DPP10: variants seen among roughly 807,000 people sequenced by gnomAD.
DPP10 encodes the protein dipeptidyl peptidase like 10, also known as inactive dipeptidyl peptidase 10.
A neutral mutation model predicts 120.9 loss-of-function variants in DPP10; 33 were observed. The ratio of observed to expected loss-of-function variants is 0.27; its 90% confidence interval spans 0.21 to 0.37. The LOEUF (loss-of-function observed/expected upper bound fraction) is 0.37, where lower values mean the gene tolerates loss of function less well. DPP10 is among the 10% of genes least tolerant of loss of function. The pLI, the probability that DPP10 is intolerant of heterozygous loss-of-function variation, is 1.00. For synonymous variants in DPP10, 337 were observed against 326.1 expected, an observed-to-expected ratio of 1.03 and a Z score of -0.36; for missense variants, 816 against 942.8, an observed-to-expected ratio of 0.87 and a Z score of 1.76.
intron 1 of DPP10, among the ~76,000 whole-genome samples, chr2:114,777,764 G>C (rs974478841): frequency 4.6e-5 from 7 of 152,024 alleles, no homozygotes; most frequent in Non-Finnish European, 1.0e-4. Context: ...GTTATGTCCT[G>C]GCTATATGGT....
At chr2:114,907,456 C>T (rs1170023184) in intron 1 of DPP10, among the ~76,000 whole-genome samples, 1 of 151,952 alleles carries the variant, frequency 6.6e-6, no homozygotes, top group Non-Finnish European at 1.5e-5. Context: ...TATCTTAAAG[C>T]GCTGCTTTTG....
At chr2:115,638,143 GC>G in intron 5 of DPP10, among the ~76,000 whole-genome samples, 3 of 152,182 alleles carry the variant, frequency 2.0e-5, no homozygotes, top group Non-Finnish European at 4.4e-5. Context: ...AATGGGTACT[GC>G]CTTCTGATTC....
intron 1 of DPP10, among the ~76,000 whole-genome samples, chr2:114,874,343 A>T (rs1027795850): frequency 2.6e-5 from 4 of 152,144 alleles, no homozygotes; most frequent in African/African-American, 4.8e-5. Context: ...GACAACTTCA[A>T]ATCCTAATCA....
In DPP10 at chr2:115,125,825, G is replaced by A. The variant is rs556694443; in HGVS notation, c.61-183414G>A. Among the ~76,000 whole-genome samples the A allele has an allele frequency of 4.0e-5, 6 of 151,804 alleles. No homozygotes were observed. In the East Asian group the frequency reaches 9.7e-4, roughly 25 times the overall value. On this transcript the variant is annotated intron_variant, in intron 1 of 25. Transcript: ENST00000410059. Reference sequence around the variant, plus strand: ...TCTTGATCTCTTGACCTCTTGATTCGCCCTCCTTGGCCTCCCAAAGTGCTG... The same window carrying A: ...TCTTGATCTCTTGACCTCTTGATTCACCCTCCTTGGCCTCCCAAAGTGCTG...
At position 114,785,816 on chromosome 2, in the gene DPP10, C is replaced by T. The variant is rs542742064; in HGVS notation, c.60+342978C>T. On this transcript the variant is annotated intron_variant, in intron 1 of 25. Coordinates refer to ENST00000410059, the MANE Select transcript of DPP10 (RefSeq NM_020868.6). ...AATTAGTTTTGGGGTCTAGTTATTCCACGTTAACCTGTAAAAGTTGCCTTG... is the reference window on the plus strand; with the variant it reads ...AATTAGTTTTGGGGTCTAGTTATTCTACGTTAACCTGTAAAAGTTGCCTTG... Among the ~76,000 whole-genome samples the T allele has an allele frequency of 3.9e-5, 6 of 152,184 alleles. No homozygotes were observed. The South Asian group carries it at 1.2e-3, about 32-fold the overall frequency.
chr2:115,405,947 G>A (rs565097133), intron 3 of DPP10, among the ~76,000 whole-genome samples: 5 of 152,184 alleles, frequency 3.3e-5, no homozygotes, highest in African/African-American at 4.8e-5. Flanking sequence ...CCACTGTCCT[G>A]ATAAATGGCC....
chr2:115,170,972 A>G (rs1222067812), intron 1 of DPP10, among the ~76,000 whole-genome samples: 1 of 152,160 alleles, frequency 6.6e-6, no homozygotes, highest in Non-Finnish European at 1.5e-5. Context: ...CTTTGCATGA[A>G]TGCCATCTCC....
At chr2:114,795,025 C>T (rs912716090) in intron 1 of DPP10, among the ~76,000 whole-genome samples, 3 of 151,988 alleles carry the variant, frequency 2.0e-5, no homozygotes, top group African/African-American at 7.2e-5. Flanking sequence ...TTTTGTATAC[C>T]ATTCGTCTTT....
intron 8 of DPP10, among the ~76,000 whole-genome samples, chr2:115,729,061 C>T (rs1236214347): frequency 6.6e-6 from 1 of 151,864 alleles, no homozygotes; most frequent in Non-Finnish European, 1.5e-5. Flanking sequence ...TGAGAGCTTC[C>T]CCGAAAATAT....
chr2:114,591,998 C>G (rs1360665880), intron 1 of DPP10, among the ~76,000 whole-genome samples: 1 of 150,338 alleles, frequency 6.7e-6, no homozygotes, highest in Non-Finnish European at 1.5e-5. Context: ...AAACATACTA[C>G]CCTCAATGAC....
chr2:115,254,737 C>T (rs551628489), intron 1 of DPP10, among the ~76,000 whole-genome samples: 1 of 151,828 alleles, frequency 6.6e-6, no homozygotes, highest in East Asian at 1.9e-4. Flanking sequence ...AGGCCCCACG[C>T]AAGTCTGAAA....
chr2:115,657,939 T>C lies in DPP10; in HGVS notation c.442-31748T>C, dbSNP rs546460536. ...GTGTGGAAGAACCTTCCACAGAGCA[T>C]AGGTACATGTTGCCCTTTTTTCAAT... On this transcript the variant is annotated intron_variant, in intron 5 of 25. Transcript: ENST00000410059. 2.0e-5 allele frequency among the ~76,000 whole-genome samples: 3 copies of C among 152,030 alleles called. No individual in the cohort carries two copies. The South Asian group carries it at 6.2e-4, about 32-fold the overall frequency.
chr2:114,533,709 A>G (rs1188092112), intron 1 of DPP10, among the ~76,000 whole-genome samples: 4 of 152,208 alleles, frequency 2.6e-5, no homozygotes, highest in Admixed American at 1.3e-4. Context: ...ATATCATATT[A>G]ATTGCTAGTT....
At chr2:114,856,511 T>C (rs115413531) in intron 1 of DPP10, among the ~76,000 whole-genome samples, 2,534 of 152,276 alleles carry the variant, frequency 0.017, 79 homozygotes, top group African/African-American at 0.056. Context: ...CAAATGTTCA[T>C]TAACATTATA....
rs1050626224 is a variant in DPP10 at position 115,718,232 on chromosome 2, T to C, written c.577-9584T>C. ...ATCTATGTACAGGTACACTGACCAA[T>C]ATCCATGAACTGATTTTGGTTGATT... On this transcript the variant is annotated intron_variant, in intron 7 of 25. Coordinates refer to ENST00000410059, the MANE Select transcript of DPP10 (RefSeq NM_020868.6). Among the ~76,000 whole-genome samples, 5 of 151,610 alleles carry C rather than the reference T, an allele frequency of 3.3e-5. 1 individual carries two copies. Among genetic ancestry groups the C allele is most frequent in the Middle Eastern group, 6.4e-3 (2 of 314 alleles).
chr2:114,487,221 T>G, intron 1 of DPP10, among the ~76,000 whole-genome samples: 1 of 152,206 alleles, frequency 6.6e-6, no homozygotes, highest in East Asian at 1.9e-4. Context: ...TAGTTGCTTT[T>G]GACAAGGTAC....
At chr2:114,772,531 T>C (rs1681360522) in intron 1 of DPP10, among the ~76,000 whole-genome samples, 2 of 152,168 alleles carry the variant, frequency 1.3e-5, no homozygotes, top group Non-Finnish European at 2.9e-5. Flanking sequence ...GAGAGAAGGA[T>C]GCACATACCT....
At chr2:114,892,335 C>T (rs1339030451) in intron 1 of DPP10, among the ~76,000 whole-genome samples, 1 of 152,154 alleles carries the variant, frequency 6.6e-6, no homozygotes, top group African/African-American at 2.4e-5. Flanking sequence ...TCCTCACACC[C>T]ACTCTGTGTA....
intron 19 of DPP10, among the ~76,000 whole-genome samples, chr2:115,802,692 A>G (rs1199968893): frequency 6.6e-6 from 1 of 152,138 alleles, no homozygotes; most frequent in Non-Finnish European, 1.5e-5. Context: ...TTATGTACCC[A>G]GTAGTCATTC....
Sources: allele counts gnomAD v4.1 joint callset (sites outside exome capture counted in the v4.1 genomes callset), GRCh38; gene constraint gnomAD v4.1.1; transcripts MANE v1.5; gene names NCBI Gene and HGNC (gene_info 2026-07-23, HGNC 2026-07-21).